Variants in ZNF654 observed in about 807,000 individuals in gnomAD.
ZNF654 encodes zinc finger protein 654.
A neutral mutation model predicts 95.3 loss-of-function variants in ZNF654; 19 were observed. That is an observed-to-expected ratio of 0.20 (90% CI 0.14 to 0.29). ZNF654 has a LOEUF of 0.29. Among genes scored for constraint, ZNF654 ranks in the 10% least tolerant of loss-of-function variants. The probability of loss-of-function intolerance (pLI) is 1.00; values close to 1 mark genes in which losing one functional copy is unlikely to be tolerated. For missense variants in ZNF654, 1,046 were observed against 1,341.0 expected (o/e 0.78, Z 3.44); for synonymous variants, 413 against 457.9 (o/e 0.90, Z 1.25).
chr3:88,133,254 A>G (rs77074982), intron 6 of ZNF654, among the ~76,000 whole-genome samples: 7,342 of 152,224 alleles, frequency 0.048, 261 homozygotes, highest in Non-Finnish European at 0.076. Flanking sequence ...CTAGAAAAGC[A>G]TGGCTCATTG....
intron 7 of ZNF654, among the ~76,000 whole-genome samples, chr3:88,137,247 A>C (rs1243463323): frequency 6.6e-6 from 1 of 151,978 alleles, no homozygotes; most frequent in African/African-American, 2.4e-5. Context: ...GGAGAAAGAA[A>C]ACGAATTCTG....
chr3:88,128,774 T>G, intron 4 of ZNF654, 35 bp from the exon 5 acceptor site: 360 of 1,392,548 alleles, frequency 2.6e-4, no homozygotes, highest in Non-Finnish European at 3.2e-4. Flanking sequence ...AATCTTTTCT[T>G]GAGAGTAATA....
At chr3:88,108,529 A>G (rs1465883674) in intron 2 of ZNF654, among the ~76,000 whole-genome samples, 2 of 152,178 alleles carry the variant, frequency 1.3e-5, no homozygotes, top group African/African-American at 2.4e-5. Flanking sequence ...GAAATAATAC[A>G]TTTTAAAATT....
chr3:88,090,535 A>G (rs1708576627), intron 2 of ZNF654, among the ~76,000 whole-genome samples: 1 of 151,210 alleles, frequency 6.6e-6, no homozygotes, highest in Admixed American at 6.6e-5. Context: ...AAAAGTTTAT[A>G]AAGGTTATAA....
chr3:88,129,153 T>C (rs1706288403), intron 5 of ZNF654, 142 bp downstream of exon 5: 2 of 608,802 alleles, frequency 3.3e-6, no homozygotes, highest in Admixed American at 3.3e-5. Flanking sequence ...TGGATGTGTT[T>C]TCTTTTGGCA....
intron 1 of ZNF654, among the ~76,000 whole-genome samples, chr3:88,075,172 T>A (rs1339075968): frequency 6.6e-6 from 1 of 152,226 alleles, no homozygotes; most frequent in Non-Finnish European, 1.5e-5. Context: ...TTCCTGGCAC[T>A]CCTTGTGCTG....
chr3:88,106,784 C>T (rs7630028), intron 2 of ZNF654, among the ~76,000 whole-genome samples: 119,221 of 152,158 alleles, frequency 0.78, 47,621 homozygotes, highest in South Asian at 0.91. Context: ...TTAAACATTT[C>T]TCAGTAACCA....
chr3:88,073,440 C>T (rs1347793548), intron 1 of ZNF654, among the ~76,000 whole-genome samples: 1 of 152,006 alleles, frequency 6.6e-6, no homozygotes, highest in Non-Finnish European at 1.5e-5. Flanking sequence ...TTTAAGATAC[C>T]ACAGGAGGTA....
chr3:88,085,992 T>C (rs1350301342), intron 1 of ZNF654, among the ~76,000 whole-genome samples: 1 of 152,198 alleles, frequency 6.6e-6, no homozygotes, highest in Non-Finnish European at 1.5e-5. Flanking sequence ...GTAAAGGGCA[T>C]TAGTTAACAA....
intron 3 of ZNF654, among the ~76,000 whole-genome samples, chr3:88,116,170 C>T (rs1705377911): frequency 6.6e-6 from 1 of 152,080 alleles, no homozygotes. Flanking sequence ...GTGCATCAGG[C>T]ATGCAGCAGA....
At position 88,129,650 on chromosome 3, in the gene ZNF654, T is replaced by C. The variant is rs749259498; in HGVS notation, c.754-37T>C. The C allele has an allele frequency of 7.4e-6, 10 of 1,353,948 alleles. No homozygotes were observed. The Middle Eastern group carries it at 1.2e-3, about 167-fold the overall frequency. The allele number at this position is 1,353,948 out of a possible 1,614,324, so 83.9% of individuals were successfully genotyped here. On this transcript the variant is annotated intron_variant, in intron 5 of 8. Transcript: ENST00000636215. Reference sequence around the variant, plus strand: ...ATTGCAACTAGCTTCTTAGATATTTTTAATTATATGAACTGATTTCTCTTT... The same window carrying C: ...ATTGCAACTAGCTTCTTAGATATTTCTAATTATATGAACTGATTTCTCTTT...
At chr3:88,082,478 A>T (rs1043181191) in intron 1 of ZNF654, among the ~76,000 whole-genome samples, 1 of 152,190 alleles carries the variant, frequency 6.6e-6, no homozygotes, top group African/African-American at 2.4e-5. Context: ...TGATGAACTT[A>T]ATATTAGTGA....
At chr3:88,098,778 A>G (rs532587624) in intron 2 of ZNF654, among the ~76,000 whole-genome samples, 5 of 152,340 alleles carry the variant, frequency 3.3e-5, no homozygotes, top group East Asian at 1.9e-4. Context: ...ACAAAATTCA[A>G]CAACACTTCA....
chr3:88,125,130 G>A (rs564809342), intron 3 of ZNF654, among the ~76,000 whole-genome samples: 2 of 151,372 alleles, frequency 1.3e-5, no homozygotes, highest in Admixed American at 6.6e-5. Context: ...CAGGAGAATC[G>A]CTTGAACCTG....
At chr3:88,090,201 G>A (rs1319563367) in intron 2 of ZNF654, among the ~76,000 whole-genome samples, 1 of 152,092 alleles carries the variant, frequency 6.6e-6, no homozygotes, top group African/African-American at 2.4e-5. Context: ...TCTTCTGAAG[G>A]CATTCCAGAA....
intron 1 of ZNF654, among the ~76,000 whole-genome samples, chr3:88,081,225 T>C (rs1479760120): frequency 1.3e-5 from 2 of 152,234 alleles, no homozygotes; most frequent in African/African-American, 4.8e-5. Context: ...TATGAAGAGA[T>C]TCATGATGAT....
At chr3:88,107,630 T>G (rs1240512624) in intron 2 of ZNF654, among the ~76,000 whole-genome samples, 1 of 152,174 alleles carries the variant, frequency 6.6e-6, no homozygotes, top group Admixed American at 6.5e-5. Flanking sequence ...ATACTCCACC[T>G]CTGTGTTCCT....
At chr3:88,129,964 G>T in intron 6 of ZNF654, 138 bp downstream of exon 6, 1 of 688,180 alleles carries the variant, frequency 1.5e-6, no homozygotes, top group Non-Finnish European at 2.1e-6. Context: ...AGGAACAATA[G>T]TAGATTCTAA....
intron 5 of ZNF654, 54 bp downstream of exon 5, chr3:88,129,065 A>AT (rs1706282490): frequency 7.5e-7 from 1 of 1,330,162 alleles, no homozygotes; most frequent in African/African-American, 1.5e-5. Context: ...CCAAAAAAAA[A>AT]CCAAAAAAAA....
Sources: gnomAD v4.1 joint callset for allele counts (sites outside exome capture counted in the v4.1 genomes callset) on GRCh38, gnomAD v4.1.1 for gene constraint, MANE v1.5 for transcripts, NCBI Gene and HGNC (gene_info 2026-07-23, HGNC 2026-07-21) for gene names.